Variants in RNF126 observed in about 807,000 individuals in gnomAD.
RNF126 encodes E3 ubiquitin-protein ligase RNF126.
RNF126 carries 20 observed loss-of-function variants against 41.9 expected under a neutral mutation model. The ratio of observed to expected loss-of-function variants is 0.48; its 90% CI spans 0.34 to 0.69. RNF126 has a LOEUF of 0.69. RNF126 is among the 30% of genes least tolerant of loss of function. The pLI, the probability that RNF126 is intolerant of heterozygous loss-of-function variation, is 0.01. For synonymous variants in RNF126, 239 were observed against 202.9 expected, an observed-to-expected ratio of 1.18 and a Z score of -1.51; for missense variants, 433 against 460.6, an observed-to-expected ratio of 0.94 and a Z score of 0.55.
At chr19:651,305 T>G in intron 4 of RNF126, 7 of 242,848 alleles carry the variant, frequency 2.9e-5, no homozygotes, top group East Asian at 8.7e-5. Context: ...CCAGGCTCTG[T>G]TCTGGGCCCA....
chr19:651,957 T>TGGGTGCC, intron 3 of RNF126, 102 bp from the exon 4 acceptor site: 1 of 1,133,948 alleles, frequency 8.8e-7, no homozygotes, highest in South Asian at 1.5e-5. Context: ...CGGGCCCTGC[T>TGGGTGCC]GGGTGCCGGG....
intron 1 of RNF126, among the ~76,000 whole-genome samples, chr19:658,506 GT>G (rs1262556701): frequency 6.6e-6 from 1 of 152,082 alleles, no homozygotes; most frequent in Non-Finnish European, 1.5e-5. Context: ...GCTGGCTACT[GT>G]TTTCCTAAAG....
intron 6 of RNF126, 39 bp from the exon 7 acceptor site, chr19:649,014 G>A (rs2030122218): frequency 3.6e-6 from 4 of 1,106,458 alleles, no homozygotes; most frequent in Admixed American, 3.5e-5. Context: ...AGCTCCTCGG[G>A]GGCCCGGCCC....
At chr19:653,458 C>CA (rs2030421081) in intron 1 of RNF126, among the ~76,000 whole-genome samples, 1 of 152,226 alleles carries the variant, frequency 6.6e-6, no homozygotes, top group Non-Finnish European at 1.5e-5. Context: ...GGGTGAGTCC[C>CA]AAAACCACGT....
At position 648,344 on chromosome 19, in the gene RNF126, T is replaced by TG. The variant is rs566322132; in HGVS notation, c.786+27dup. ...AGAGGCGGGAGGGCCGCGGTCGGGG[T>TG]GGGGGGGCGGGTGGGCGGGGCACTC... On this transcript the variant is annotated intron_variant, in intron 8 of 8. Transcript: ENST00000292363. The TG allele has an allele frequency of 5.6e-4, 161 of 289,324 alleles. 2 individuals carry two copies. The African/African-American group carries it at 5.9e-3, about 11-fold the overall frequency. The allele number at this position is 289,324 out of a possible 1,614,324, so 17.9% of individuals were successfully genotyped here. A position where few individuals can be genotyped will look rare whatever the true frequency, so the allele number is the denominator to read the frequency against.
chr19:654,314 T>C (rs1195045561), intron 1 of RNF126, among the ~76,000 whole-genome samples: 1 of 152,110 alleles, frequency 6.6e-6, no homozygotes, highest in South Asian at 2.1e-4. Context: ...AGGCACCACA[T>C]GCGTTTCAGC....
intron 2 of RNF126, chr19:652,506 A>G (rs2030360289): frequency 9.9e-6 from 6 of 605,262 alleles, no homozygotes; most frequent in South Asian, 8.2e-5. Flanking sequence ...TGCAGACCCC[A>G]ACAGCCTCCT....
intron 1 of RNF126, among the ~76,000 whole-genome samples, chr19:657,216 C>G (rs1167286806): frequency 6.6e-6 from 1 of 152,256 alleles, no homozygotes; most frequent in Non-Finnish European, 1.5e-5. Context: ...CCCCGAATCT[C>G]TCCTGGACAA....
intron 7 of RNF126, 41 bp downstream of exon 7, chr19:648,841 T>C: frequency 8.5e-7 from 1 of 1,182,934 alleles, no homozygotes. Flanking sequence ...TGGCGGCGGG[T>C]GCCTGTAATT....
At chr19:651,525 C>T in intron 4 of RNF126, 86 bp downstream of exon 4, 1 of 1,301,812 alleles carries the variant, frequency 7.7e-7, no homozygotes, top group Non-Finnish European at 9.9e-7. Flanking sequence ...TGCCACGTTT[C>T]CGTGGAACCC....
At position 651,633 on chromosome 19, in the gene RNF126, C is replaced by T. The variant is rs772488976; in HGVS notation, c.421G>A (p.Glu141Lys). Residue 141 changes from glutamate to lysine, a missense_variant, in exon 4 of 9, where the codon GAA (glutamate) becomes AAA (lysine). This residue lies in a region of RNF126 where 247 missense variants were observed against 224.7 expected (regional missense o/e 1.10). Coordinates refer to ENST00000292363, the MANE Select transcript of RNF126 (RefSeq NM_194460.3). ...LTTRRATGRHEGVPTLEGIIQ... is the reference protein window; with the variant it reads ...LTTRRATGRHKGVPTLEGIIQ... ...CACCCTTCCAGCGTGGGGACGCCTT[C>T]GTGCCGGCCGGTGGCCCGCCGCGTG... 1.3e-5 allele frequency: 19 copies of T among 1,468,720 alleles called. No individual in the cohort carries two copies. The highest frequency in any genetic ancestry group is 1.5e-5 in the Non-Finnish European group (17 of 1,112,584). 91.0% of individuals were successfully genotyped at this position (1,468,720 alleles called of 1,614,324 possible).
chr19:650,544 A>AGTAGCT (rs2030227408), intron 4 of RNF126: 1 of 345,412 alleles, frequency 2.9e-6, no homozygotes, highest in African/African-American at 2.2e-5. Context: ...CAGCCTCCCA[A>AGTAGCT]GTAGCTGGGA....
chr19:660,963 C>T (rs1193264270), intron 1 of RNF126, among the ~76,000 whole-genome samples: 1 of 152,264 alleles, frequency 6.6e-6, no homozygotes, highest in Non-Finnish European at 1.5e-5. Context: ...GCAGCCCTCT[C>T]TGCAGTTATT....
chr19:653,927 G>A (rs1214701267), intron 1 of RNF126, among the ~76,000 whole-genome samples: 2 of 152,232 alleles, frequency 1.3e-5, no homozygotes, highest in Non-Finnish European at 2.9e-5. Flanking sequence ...ACCGTGCATG[G>A]GGGAGTGCTG....
chr19:655,176 T>C (rs2030508620), intron 1 of RNF126, among the ~76,000 whole-genome samples: 1 of 151,186 alleles, frequency 6.6e-6, no homozygotes, highest in South Asian at 2.1e-4. Context: ...TATGCTGGGG[T>C]GGGTCTGTAG....
intron 1 of RNF126, among the ~76,000 whole-genome samples, chr19:660,929 C>T (rs567780693): frequency 2.6e-5 from 4 of 152,240 alleles, no homozygotes; most frequent in Non-Finnish European, 4.4e-5. Flanking sequence ...GGATCACCCG[C>T]GGGGTGGACA....
chr19:648,911 G>C lies in RNF126; in HGVS notation c.641C>G (p.Pro214Arg). Residue 214 changes from proline to arginine, a missense_variant, in exon 7 of 9, where the codon CCC (proline) becomes CGC (arginine). By Grantham distance (103) the Pro-to-Arg change is moderately radical. Transcript: ENST00000292363. ...GTGCTCCTCAGTGACGGGGACGGTGGGGAGGGCCTGGATTTTCTCTTTATC... is the reference window on the plus strand; with the variant it reads ...GTGCTCCTCAGTGACGGGGACGGTGCGGAGGGCCTGGATTTTCTCTTTATC... Reference protein sequence around the residue: ...PADKEKIQALPTVPVTEEHVG... With the variant: ...PADKEKIQALRTVPVTEEHVG... The C allele has an allele frequency of 7.0e-7, 1 of 1,432,586 alleles. No individual in the cohort carries two copies. Among genetic ancestry groups the C allele is most frequent in the South Asian group, 1.7e-5 (1 of 58,132 alleles). The allele number at this position is 1,432,586 out of a possible 1,614,324, so 88.7% of individuals were successfully genotyped here.
chr19:661,219 G>A (rs1000443627), intron 1 of RNF126: 1 of 152,324 alleles, frequency 6.6e-6, no homozygotes, highest in African/African-American at 2.4e-5. Context: ...AGTCCTGTGC[G>A]GGCTCTAGGA....
At position 650,584 on chromosome 19, in the gene RNF126, CTT is replaced by C. The variant is rs34495183; in HGVS notation, c.444-290_444-289del. ...AGAAGAGGTCCACCACTCTCGGCTA[CTT>C]TTTTTTTTTTTTTTTTTTTTTTTGA... On this transcript the variant is annotated intron_variant, in intron 4 of 8. Transcript: ENST00000292363. The C allele has an allele frequency of 8.8e-3, 633 of 72,238 alleles. 2 individuals are homozygous for C. Among genetic ancestry groups the C allele is most frequent in the Middle Eastern group, 0.013 (1 of 78 alleles). The allele number at this position is 72,238 out of a possible 1,614,324, so 4.5% of individuals were successfully genotyped here.
Sources: gnomAD v4.1 joint callset for allele counts (sites outside exome capture counted in the v4.1 genomes callset) on GRCh38, gnomAD v4.1.1 for gene constraint, gnomAD v4.1.1 regional missense constraint, MANE v1.5 for transcripts, NCBI Gene and HGNC (gene_info 2026-07-23, HGNC 2026-07-21) for gene names.